ACSM5: variants seen among roughly 807,000 people sequenced by gnomAD.
ACSM5 encodes the protein acyl-coenzyme A synthetase ACSM5, mitochondrial.
A neutral mutation model predicts 71.6 loss-of-function variants in ACSM5; 56 were observed. The observed-to-expected ratio is 0.78, with a 90% CI of 0.63 to 0.98. The LOEUF is 0.98. Among genes scored for constraint, ACSM5 ranks in the 50% least tolerant of loss-of-function variants. The pLI, the probability that ACSM5 is intolerant of heterozygous loss-of-function variation, is 0.00. For missense variants in ACSM5, 723 were observed against 726.0 expected, an observed-to-expected ratio of 1.00 and a Z score of 0.05; for synonymous variants, 285 against 281.5, an observed-to-expected ratio of 1.01 and a Z score of -0.12.
At chr16:20,415,672 G>A (rs1480284655) in intron 2 of ACSM5, among the ~76,000 whole-genome samples, 4 of 152,182 alleles carry the variant, frequency 2.6e-5, no homozygotes, top group Admixed American at 6.5e-5. Flanking sequence ...ATGATTTAGG[G>A]CAGAGTTGTT....
chr16:20,437,032 G>C lies in ACSM5; in HGVS notation c.1309-20G>C, dbSNP rs200600433. 6.2e-7 allele frequency: 1 copy of C among 1,613,896 alleles called. No individual in the cohort carries two copies. Among genetic ancestry groups the C allele is most frequent in the South Asian group, 1.1e-5 (1 of 91,054 alleles). On this transcript the variant is annotated intron_variant, in intron 10 of 13. Coordinates refer to ENST00000331849, the MANE Select transcript of ACSM5 (RefSeq NM_017888.3). Reference sequence around the variant, plus strand: ...CAGTTGTTCCCAGAGGGTCCTTCACGGGTTGTCTTTGTCTTTCAGGACAAT... The same window carrying C: ...CAGTTGTTCCCAGAGGGTCCTTCACCGGTTGTCTTTGTCTTTCAGGACAAT...
chr16:20,428,347 C>G (rs1340198348), intron 7 of ACSM5, among the ~76,000 whole-genome samples: 1 of 152,234 alleles, frequency 6.6e-6, no homozygotes, highest in Non-Finnish European at 1.5e-5. Context: ...TGCCCCAACT[C>G]TCAGCCTCAG....
chr16:20,410,743 A>C lies in ACSM5; in HGVS notation c.-15-727A>C, dbSNP rs553220919. On this transcript the variant is annotated intron_variant, in intron 1 of 13. Transcript: ENST00000331849. ...TCTGTCTCAAAAACAACAATAATAA[A>C]AATTTTAAAAATAATAAAATTAAAT... Among the ~76,000 whole-genome samples, 105 of 152,062 alleles carry C rather than the reference A, an allele frequency of 6.9e-4. 1 individual carries two copies. The highest frequency in any genetic ancestry group is 2.4e-3 in the African/African-American group (101 of 41,520).
intron 4 of ACSM5, 94 bp from the exon 5 acceptor site, chr16:20,421,164 A>G (rs1345854991): frequency 9.9e-6 from 14 of 1,417,350 alleles, no homozygotes; most frequent in Non-Finnish European, 1.3e-5. Context: ...TGTGGTATTT[A>G]TGAAACGGTA....
At chr16:20,431,679 A>T (rs530959072) in intron 10 of ACSM5, among the ~76,000 whole-genome samples, 2 of 152,236 alleles carry the variant, frequency 1.3e-5, no homozygotes, top group Non-Finnish European at 2.9e-5. Context: ...AGCCGGGTGC[A>T]GTGGCTCACA....
chr16:20,431,849 G>T (rs551049963), intron 10 of ACSM5, among the ~76,000 whole-genome samples: 1 of 152,076 alleles, frequency 6.6e-6, no homozygotes, highest in African/African-American at 2.4e-5. Context: ...TACTTGGGAG[G>T]CTGAGACAGG....
rs1358688454 is a variant in ACSM5, at chr16:20,419,309, T to C, written c.497T>C (p.Ile166Thr). ...CTGCAGGCGTCCAGGGCCAAGTCCA[T>C]TATCACCAGTGACTCCCTAGCTCCA... ...YRLQASRAKSIITSDSLAPRV... is the reference protein window; with the variant it reads ...YRLQASRAKSTITSDSLAPRV... The change falls in exon 4 of 14, where the codon ATT becomes ACT. Residue 166 changes from isoleucine to threonine, a missense_variant. Transcript: ENST00000331849. 2 of 1,613,968 alleles carry C rather than the reference T, an allele frequency of 1.2e-6. No individual in the cohort carries two copies. Among genetic ancestry groups the C allele is most frequent in the African/African-American group, 1.3e-5 (1 of 74,892 alleles).
chr16:20,429,804 G>A lies in ACSM5; in HGVS notation c.1125+3G>A. On this transcript the variant is annotated splice_donor_region_variant and intron_variant, in intron 8 of 13. Transcript: ENST00000331849. ...AAGGCTATGGCCAGTCTGAAACGGT[G>A]AGTGCTGGAGGGGCCAGGTCCCTAC... 1 of 1,612,100 alleles carries A rather than the reference G, an allele frequency of 6.2e-7. No individual in the cohort carries two copies. The highest frequency in any genetic ancestry group is 8.5e-7 in the Non-Finnish European group (1 of 1,179,572).
At chr16:20,435,690 G>T (rs1223341768) in intron 10 of ACSM5, among the ~76,000 whole-genome samples, 2 of 152,160 alleles carry the variant, frequency 1.3e-5, no homozygotes, top group Non-Finnish European at 1.5e-5. Flanking sequence ...TTTTAAAAAA[G>T]AACTTCATGT....
At chr16:20,426,648 C>G (rs1966986293) in intron 6 of ACSM5, among the ~76,000 whole-genome samples, 1 of 152,146 alleles carries the variant, frequency 6.6e-6, no homozygotes, top group Non-Finnish European at 1.5e-5. Flanking sequence ...GTGAAACATG[C>G]CAGTCATACA....
At chr16:20,422,934 T>A (rs1469958483) in intron 5 of ACSM5, among the ~76,000 whole-genome samples, 3 of 152,172 alleles carry the variant, frequency 2.0e-5, no homozygotes, top group Non-Finnish European at 4.4e-5. Flanking sequence ...GGATGAGCTG[T>A]CTGGTGGCAA....
intron 6 of ACSM5, among the ~76,000 whole-genome samples, chr16:20,427,413 G>A (rs1424419847): frequency 2.6e-5 from 4 of 152,250 alleles, no homozygotes; most frequent in Admixed American, 2.6e-4. Flanking sequence ...CCTGTCCGTA[G>A]GATGGCTTGA....
Position 20,436,051 on chromosome 16 carries a change from CTTTCTCTTTT to C in ACSM5, c.1309-1000_1309-991del, listed in dbSNP as rs771316960. On this transcript the variant is annotated intron_variant, in intron 10 of 13. Transcript: ENST00000331849. ...TCTTTCTTTTTCTTTCTTTCTCTTTCTTTCTCTTTTCCTTCATTCCTTCTTCTTCCTTCCT... is the reference window on the plus strand; with the variant it reads ...TCTTTCTTTTTCTTTCTTTCTCTTTCCCTTCATTCCTTCTTCTTCCTTCCT... Among the ~76,000 whole-genome samples the C allele has an allele frequency of 2.7e-3, 400 of 145,644 alleles. 1 individual carries two copies. Among genetic ancestry groups the C allele is most frequent in the Admixed American group, 6.1e-3 (87 of 14,302 alleles).
rs558973542 is a variant in ACSM5 at position 20,416,858 on chromosome 16, CAAAT to C, written c.205-1198_205-1195del. Among the ~76,000 whole-genome samples, 33 of 151,936 alleles carry C rather than the reference CAAAT, an allele frequency of 2.2e-4. 1 individual carries two copies. The highest frequency in any genetic ancestry group is 1.9e-3 in the Admixed American group (29 of 15,256). On this transcript the variant is annotated intron_variant, in intron 2 of 13. Coordinates refer to ENST00000331849, the MANE Select transcript of ACSM5 (RefSeq NM_017888.3). ...AACTCAAACTAGACAGTGAAAAAGA[CAAAT>C]AACCCAATTAAAGTATGGGCTAAGA... is the stretch of plus-strand genomic sequence containing the variant.
At chr16:20,425,725 C>T (rs1024521764) in intron 6 of ACSM5, among the ~76,000 whole-genome samples, 4 of 152,116 alleles carry the variant, frequency 2.6e-5, no homozygotes, top group African/African-American at 9.7e-5. Context: ...TAATAGTCTA[C>T]AATCTCATCC....
intron 2 of ACSM5, among the ~76,000 whole-genome samples, chr16:20,416,428 C>G (rs1477454008): frequency 2.0e-5 from 3 of 152,152 alleles, no homozygotes; most frequent in Admixed American, 6.6e-5. Context: ...ATCCACAAAT[C>G]TATCATCAAT....
intron 4 of ACSM5, among the ~76,000 whole-genome samples, chr16:20,420,120 A>T (rs1276626652): frequency 6.6e-6 from 1 of 152,150 alleles, no homozygotes; most frequent in East Asian, 1.9e-4. Context: ...CTTTGTCCTG[A>T]TTGGAAGCCA....
intron 8 of ACSM5, 43 bp downstream of exon 8, chr16:20,429,844 C>G (rs373409811): frequency 1.2e-4 from 192 of 1,601,780 alleles, no homozygotes; most frequent in Non-Finnish European, 1.5e-4. Flanking sequence ...CAGGTCCCCT[C>G]GAGAGCTTCC....
At position 20,416,087 on chromosome 16, in the gene ACSM5, T is replaced by C. The variant is rs186724709; in HGVS notation, c.205-1972T>C. ...CATTACTGAAATAAACTGGAAAAGA[T>C]GTAAACAAATAGAAATACACCCCAT... On this transcript the variant is annotated intron_variant, in intron 2 of 13. Transcript: ENST00000331849. Among the ~76,000 whole-genome samples the C allele has an allele frequency of 3.9e-3, 601 of 152,230 alleles. 4 individuals are homozygous for C. Among genetic ancestry groups the C allele is most frequent in the African/African-American group, 0.014 (565 of 41,548 alleles).
Sources: gnomAD v4.1 joint callset for allele counts (sites outside exome capture counted in the v4.1 genomes callset) on GRCh38, gnomAD v4.1.1 for gene constraint, MANE v1.5 for transcripts, NCBI Gene and HGNC (gene_info 2026-07-23, HGNC 2026-07-21) for gene names.